NAV2: variants seen among roughly 807,000 people sequenced by gnomAD.
NAV2 encodes the protein helicase, APC down-regulated 1.
In NAV2, 54 loss-of-function variants were observed where a neutral mutation model predicts 223.2. That is an observed-to-expected ratio of 0.24 (90% CI 0.19 to 0.30). The LOEUF (loss-of-function observed/expected upper bound fraction) is 0.30, where lower values mean the gene tolerates loss of function less well. Among genes scored for constraint, NAV2 ranks in the 10% least tolerant of loss-of-function variants. NAV2 has a pLI of 1.00. For missense variants in NAV2, 2,806 were observed against 3,147.5 expected, an observed-to-expected ratio of 0.89 and a Z score of 2.60; for synonymous variants, 1,279 against 1,239.3, an observed-to-expected ratio of 1.03 and a Z score of -0.67.
chr11:19,427,466 T>G (rs1192336926), intron 1 of NAV2, among the ~76,000 whole-genome samples: 1 of 152,182 alleles, frequency 6.6e-6, no homozygotes, highest in Non-Finnish European at 1.5e-5. Context: ...GGCAGCATGT[T>G]AAGTGTCAAA....
chr11:19,535,665 T>C (rs1343634917), intron 1 of NAV2, among the ~76,000 whole-genome samples: 5 of 152,242 alleles, frequency 3.3e-5, no homozygotes, highest in Admixed American at 6.5e-5. Flanking sequence ...CCACCTCCTT[T>C]GATCACAGGG....
At chr11:19,706,636 G>A (rs1474249037) in intron 1 of NAV2, among the ~76,000 whole-genome samples, 1 of 152,158 alleles carries the variant, frequency 6.6e-6, no homozygotes, top group Non-Finnish European at 1.5e-5. Context: ...TTTGAAACTT[G>A]AGAGCCGAGA....
intron 1 of NAV2, among the ~76,000 whole-genome samples, chr11:19,656,451 C>T (rs1185685928): frequency 3.9e-5 from 6 of 152,078 alleles, no homozygotes; most frequent in South Asian, 2.1e-4. Flanking sequence ...GGTGAAATGC[C>T]GTGAGTGAGG....
In NAV2 at chr11:19,897,348, G is replaced by A. The variant is rs140825866; in HGVS notation, c.931+4754G>A. On this transcript the variant is annotated intron_variant, in intron 6 of 37. Transcript: ENST00000349880. ...GTATACATATGTAACTAACCTGCAC[G>A]TTGTGCACATGTACCCTAAAACTTA... Among the ~76,000 whole-genome samples the A allele has an allele frequency of 4.4e-3, 672 of 152,022 alleles. 4 individuals are homozygous for A. The highest frequency in any genetic ancestry group is 0.031 in the East Asian group (158 of 5,164).
At position 20,036,080 on chromosome 11, in the gene NAV2, A is replaced by G. The variant is rs1457299273; in HGVS notation, c.2890A>G (p.Lys964Glu). The G allele has an allele frequency of 1.2e-6, 2 of 1,614,166 alleles. No individual in the cohort carries two copies. Among genetic ancestry groups the G allele is most frequent in the East Asian group, 2.2e-5 (1 of 44,870 alleles). Residue 964 changes from lysine to glutamate, a missense_variant, in exon 12 of 38, where the codon AAA becomes GAA. Lys to Glu is a moderately conservative substitution (Grantham distance 56, BLOSUM62 1). Around this residue, in one of 4 missense-constraint regions of NAV2, gnomAD observed 73 missense variants for 119.7 expected, o/e 0.61. Transcript: ENST00000349880. ...TGCCAACACACCTGCCTCCTCTCGA[A>G]AAAACCTGGATGTGCAGGTGAGGAA... is the stretch of plus-strand genomic sequence containing the variant. Reference protein sequence around the residue: ...SYANTPASSRKNLDVQTDAEK... With the variant: ...SYANTPASSRENLDVQTDAEK...
At chr11:19,397,074 C>T (rs1171506595) in intron 1 of NAV2, among the ~76,000 whole-genome samples, 1 of 152,116 alleles carries the variant, frequency 6.6e-6, no homozygotes, top group Non-Finnish European at 1.5e-5. Context: ...TGAGTCTGTT[C>T]TTCAGATATC....
chr11:19,700,830 C>T (rs2049491137), intron 1 of NAV2, among the ~76,000 whole-genome samples: 2 of 152,246 alleles, frequency 1.3e-5, no homozygotes, highest in Non-Finnish European at 2.9e-5. Flanking sequence ...TGATTGGAAG[C>T]TCCACGAGAA....
chr11:19,911,654 C>A (rs1220543172), intron 6 of NAV2, among the ~76,000 whole-genome samples: 1 of 152,078 alleles, frequency 6.6e-6, no homozygotes, highest in East Asian at 1.9e-4. Flanking sequence ...TCTAAGAATT[C>A]TTCATCAGTT....
At chr11:19,847,679 G>T (rs1046251215) in intron 3 of NAV2, among the ~76,000 whole-genome samples, 1 of 152,176 alleles carries the variant, frequency 6.6e-6, no homozygotes, top group African/African-American at 2.4e-5. Flanking sequence ...CAATGAAAAT[G>T]ATAATAATGG....
intron 1 of NAV2, among the ~76,000 whole-genome samples, chr11:19,703,120 A>G (rs958458231): frequency 5.5e-5 from 8 of 146,738 alleles, no homozygotes; most frequent in Admixed American, 4.9e-4. Context: ...ATATATAAAT[A>G]ATAAAGAAAA....
chr11:19,895,467 A>G (rs1453423897), intron 6 of NAV2, among the ~76,000 whole-genome samples: 1 of 152,190 alleles, frequency 6.6e-6, no homozygotes, highest in Non-Finnish European at 1.5e-5. Flanking sequence ...TGAGATTAAT[A>G]GAAATTAAGT....
intron 29 of NAV2, among the ~76,000 whole-genome samples, chr11:20,094,508 G>A (rs573781063): frequency 2.0e-5 from 3 of 152,196 alleles, no homozygotes; most frequent in South Asian, 2.1e-4. Context: ...GATTATAGGC[G>A]TGAACCACCA....
intron 9 of NAV2, among the ~76,000 whole-genome samples, chr11:19,948,022 C>T (rs569639132): frequency 2.0e-5 from 3 of 152,194 alleles, no homozygotes; most frequent in South Asian, 2.1e-4. Flanking sequence ...ACCTTCATGC[C>T]CCATCCTAAT....
At chr11:20,091,229 C>T (rs927202931) in intron 27 of NAV2, among the ~76,000 whole-genome samples, 5 of 152,198 alleles carry the variant, frequency 3.3e-5, no homozygotes, top group African/African-American at 1.2e-4. Context: ...TTACGTAATA[C>T]TTTTGGTGAC....
chr11:19,486,761 A>G (rs2042459278), intron 1 of NAV2, among the ~76,000 whole-genome samples: 1 of 152,146 alleles, frequency 6.6e-6, no homozygotes, highest in Non-Finnish European at 1.5e-5. Context: ...CACTCTCTCT[A>G]TCTTTCATCC....
intron 1 of NAV2, among the ~76,000 whole-genome samples, chr11:19,765,869 C>T (rs1208911218): frequency 6.6e-6 from 1 of 152,112 alleles, no homozygotes; most frequent in East Asian, 1.9e-4. Context: ...AAATGCTCTC[C>T]CCACTCCACC....
At chr11:19,681,824 A>C (rs1021565160) in intron 1 of NAV2, among the ~76,000 whole-genome samples, 14 of 152,238 alleles carry the variant, frequency 9.2e-5, no homozygotes, top group Admixed American at 2.6e-4. Context: ...ACCTGTGGAC[A>C]CATCTGAATG....
At chr11:19,862,314 G>C (rs1027292454) in intron 3 of NAV2, among the ~76,000 whole-genome samples, 1 of 152,242 alleles carries the variant, frequency 6.6e-6, no homozygotes, top group Non-Finnish European at 1.5e-5. Flanking sequence ...AGCTGGGCAA[G>C]GTGGAAAAGC....
chr11:19,870,254 G>A (rs540914375), intron 4 of NAV2, among the ~76,000 whole-genome samples: 8 of 152,124 alleles, frequency 5.3e-5, no homozygotes, highest in Non-Finnish European at 1.2e-4. Context: ...GCTTTGCTGG[G>A]GGGCGGGGGT....
Sources: allele counts gnomAD v4.1 joint callset (sites outside exome capture counted in the v4.1 genomes callset), GRCh38; gene constraint gnomAD v4.1.1; regional missense constraint gnomAD v4.1.1; transcripts MANE v1.5; gene names NCBI Gene and HGNC (gene_info 2026-07-23, HGNC 2026-07-21).